Variants in ARHGAP42 observed in about 807,000 individuals in gnomAD.
ARHGAP42 encodes rho GTPase-activating protein 42.
A neutral mutation model predicts 125.0 loss-of-function variants in ARHGAP42; 63 were observed. That is an observed-to-expected ratio of 0.50 (90% confidence interval 0.41 to 0.62). The LOEUF is 0.62. Ranked by LOEUF, ARHGAP42 falls within the 20% of genes least tolerant of loss-of-function variation. ARHGAP42 has a pLI of 0.00. For missense variants in ARHGAP42, 766 were observed against 1,024.2 expected, an observed-to-expected ratio of 0.75 and a Z score of 3.44; for synonymous variants, 339 against 351.0, an observed-to-expected ratio of 0.97 and a Z score of 0.38.
At chr11:100,902,875 G>T (rs1866589947) in intron 4 of ARHGAP42, among the ~76,000 whole-genome samples, 1 of 152,114 alleles carries the variant, frequency 6.6e-6, no homozygotes, top group African/African-American at 2.4e-5. Context: ...CTTGTTCCAT[G>T]GGGTGAATTT....
At chr11:100,844,366 T>C (rs1865013248) in intron 3 of ARHGAP42, among the ~76,000 whole-genome samples, 1 of 144,786 alleles carries the variant, frequency 6.9e-6, no homozygotes, top group Non-Finnish European at 1.5e-5. Flanking sequence ...ATTGTAAGAA[T>C]CCTTTTAGAG....
chr11:100,811,112 C>T (rs914582405), intron 3 of ARHGAP42, among the ~76,000 whole-genome samples: 2 of 152,074 alleles, frequency 1.3e-5, no homozygotes, highest in African/African-American at 4.8e-5. Flanking sequence ...TGCGCCACCA[C>T]GCCCAGCTAA....
intron 11 of ARHGAP42, among the ~76,000 whole-genome samples, chr11:100,949,329 A>G (rs1868110592): frequency 6.6e-6 from 1 of 152,168 alleles, no homozygotes; most frequent in Non-Finnish European, 1.5e-5. Flanking sequence ...TCCTGTAGCC[A>G]CTTGGGTTAT....
intron 4 of ARHGAP42, among the ~76,000 whole-genome samples, chr11:100,913,196 G>T (rs989822716): frequency 7.2e-5 from 11 of 152,132 alleles, no homozygotes; most frequent in African/African-American, 2.4e-4. Flanking sequence ...TACTCCAAAG[G>T]AGATGTGACT....
At chr11:100,779,418 C>G (rs1240907284) in intron 2 of ARHGAP42, among the ~76,000 whole-genome samples, 2 of 131,532 alleles carry the variant, frequency 1.5e-5, no homozygotes, top group African/African-American at 5.8e-5. Flanking sequence ...GCACTCTAGC[C>G]TGGGCAACAA....
chr11:100,921,856 C>T (rs749155589), intron 6 of ARHGAP42, among the ~76,000 whole-genome samples: 1 of 152,038 alleles, frequency 6.6e-6, no homozygotes, highest in Non-Finnish European at 1.5e-5. Flanking sequence ...AGCACAAAAA[C>T]TGAGCCCTAA....
chr11:100,812,761 G>A (rs1214378718), intron 3 of ARHGAP42, among the ~76,000 whole-genome samples: 2 of 152,212 alleles, frequency 1.3e-5, no homozygotes, highest in Non-Finnish European at 1.5e-5. Flanking sequence ...CTAAAGCACA[G>A]GAACAAATGG....
At chr11:100,856,172 T>C (rs1296284632) in intron 3 of ARHGAP42, among the ~76,000 whole-genome samples, 1 of 152,064 alleles carries the variant, frequency 6.6e-6, no homozygotes, top group East Asian at 1.9e-4. Context: ...GAGTTCCATA[T>C]GAGCAAAAAT....
chr11:100,748,262 C>T (rs1862351114), intron 1 of ARHGAP42, among the ~76,000 whole-genome samples: 2 of 152,226 alleles, frequency 1.3e-5, no homozygotes. Flanking sequence ...TAGCTGAGTG[C>T]AAACAGCTCG....
At chr11:100,910,253 T>C (rs561734026) in intron 4 of ARHGAP42, among the ~76,000 whole-genome samples, 5 of 152,316 alleles carry the variant, frequency 3.3e-5, no homozygotes, top group African/African-American at 9.6e-5. Flanking sequence ...CATAGACATA[T>C]AGTAAGTAAC....
intron 4 of ARHGAP42, among the ~76,000 whole-genome samples, chr11:100,904,767 C>T (rs956108303): frequency 6.6e-6 from 1 of 152,220 alleles, no homozygotes; most frequent in Non-Finnish European, 1.5e-5. Flanking sequence ...TTTTAATTAT[C>T]TGCTGTGCCT....
At chr11:100,800,932 G>T (rs1483878587) in intron 3 of ARHGAP42, among the ~76,000 whole-genome samples, 1 of 152,164 alleles carries the variant, frequency 6.6e-6, no homozygotes, top group East Asian at 1.9e-4. Flanking sequence ...TTAAAACAAT[G>T]ATAGTATAGG....
At chr11:100,862,976 G>T (rs1865478960) in intron 4 of ARHGAP42, among the ~76,000 whole-genome samples, 1 of 149,146 alleles carries the variant, frequency 6.7e-6, no homozygotes, top group African/African-American at 2.5e-5. Context: ...GGCAGAGGTT[G>T]CAGTGAGCCA....
At chr11:100,951,301 A>G (rs971053670) in intron 12 of ARHGAP42, among the ~76,000 whole-genome samples, 3 of 152,146 alleles carry the variant, frequency 2.0e-5, no homozygotes, top group Non-Finnish European at 2.9e-5. Context: ...ATTGGAATCA[A>G]GGAAAGTGAT....
chr11:100,727,707 C>T (rs1435451570), intron 1 of ARHGAP42, among the ~76,000 whole-genome samples: 3 of 152,180 alleles, frequency 2.0e-5, no homozygotes, highest in Non-Finnish European at 4.4e-5. Context: ...AAGCTTGGGA[C>T]TCTTCTGGAG....
At chr11:100,962,530 CAT>C (rs1857981852) in intron 16 of ARHGAP42, 63 bp downstream of exon 16, 1 of 1,341,658 alleles carries the variant, frequency 7.5e-7, no homozygotes, top group African/African-American at 1.5e-5. Context: ...CATACTTAGG[CAT>C]ATATTACTAG....
At chr11:100,737,558 G>C (rs1045974571) in intron 1 of ARHGAP42, among the ~76,000 whole-genome samples, 5 of 150,954 alleles carry the variant, frequency 3.3e-5, no homozygotes, top group Non-Finnish European at 7.4e-5. Flanking sequence ...TGATCATACT[G>C]GTGTCCCACC....
rs471933 is a variant in ARHGAP42, at chr11:100,992,623, C to A, written c.*3822C>A. The A allele has an allele frequency of 0.24, 392,187 of 1,613,424 alleles. 61,732 individuals are homozygous for A. The highest frequency in any genetic ancestry group is 0.78 in the East Asian group (34,977 of 44,848). The stretch of plus-strand genomic sequence containing the variant: ...ACACATTCACTGTATCCCTCATTGT[C>A]ACCGTTATCCCCCTGCTTCAAAATG... On this transcript the variant is annotated 3_prime_UTR_variant, in exon 24 of 24. Coordinates refer to ENST00000298815, the MANE Select transcript of ARHGAP42 (RefSeq NM_152432.4).
At chr11:100,941,349 G>A (rs1034733355) in intron 8 of ARHGAP42, among the ~76,000 whole-genome samples, 1 of 152,146 alleles carries the variant, frequency 6.6e-6, no homozygotes, top group African/African-American at 2.4e-5. Flanking sequence ...AGGCACTAGA[G>A]GGTTCTGAAC....
Sources: allele counts gnomAD v4.1 joint callset (sites outside exome capture counted in the v4.1 genomes callset), GRCh38; gene constraint gnomAD v4.1.1; transcripts MANE v1.5; gene names NCBI Gene and HGNC (gene_info 2026-07-23, HGNC 2026-07-21).